TANC1: variants seen among roughly 807,000 people sequenced by gnomAD.
TANC1 encodes tetratricopeptide repeat, ankyrin repeat and coiled-coil containing 1, also known as protein TANC1.
TANC1 carries 77 observed loss-of-function variants against 149.7 expected under a neutral mutation model. The observed-to-expected ratio is 0.51, with a 90% CI of 0.43 to 0.62. The LOEUF (loss-of-function observed/expected upper bound fraction) is 0.62. Ranked by LOEUF, TANC1 falls within the 20% of genes least tolerant of loss-of-function variation. The pLI, the probability that TANC1 is intolerant of heterozygous loss-of-function variation, is 0.00. For missense variants in TANC1, 1,985 were observed against 2,321.8 expected (o/e 0.85, Z 2.98); for synonymous variants, 854 against 925.0 (o/e 0.92, Z 1.39).
In TANC1 at chr2:159,065,927, T is replaced by C; in HGVS notation, c.17T>C (p.Leu6Pro). MLKAVLKKSREGGKGG... is the reference protein window; with the variant it reads MLKAVPKKSREGGKGG... ...GTGTTGAAAATGTTAAAGGCTGTGC[T>C]GAAGAAGAGCCGAGAGGGAGGAAAG... Residue 6 changes from leucine to proline, a missense_variant, in exon 3 of 27, where the codon CTG (leucine) becomes CCG (proline). Coordinates refer to ENST00000263635, the MANE Select transcript of TANC1 (RefSeq NM_033394.3). 2 of 1,613,950 alleles carry C rather than the reference T, an allele frequency of 1.2e-6. No individual in the cohort carries two copies. The highest frequency in any genetic ancestry group is 1.7e-6 in the Non-Finnish European group (2 of 1,179,838).
Position 159,230,600 on chromosome 2 carries a change from G to C in TANC1, c.5174G>C (p.Gly1725Ala), listed in dbSNP as rs1454221602. Residue 1725 changes from glycine (G) to alanine (A), a missense_variant, in exon 27 of 27, where the codon GGC (glycine) becomes GCC (alanine). Gly to Ala is a moderately conservative substitution (Grantham distance 60). Coordinates refer to ENST00000263635, the MANE Select transcript of TANC1 (RefSeq NM_033394.3). This position sits in a 1 kb window ranked among gnomAD's most constrained non-coding sequence, Gnocchi z 4.4. ...AGACCCCGCAACACGCCGTTCATGG[G>C]CATCATGGATAAGACTGCGAGGTTC... is the stretch of plus-strand genomic sequence containing the variant. ...EHRPRNTPFM[G>A]IMDKTARFQQ... The C allele has an allele frequency of 1.2e-6, 2 of 1,614,090 alleles. No individual in the cohort carries two copies. Among genetic ancestry groups the C allele is most frequent in the Non-Finnish European group, 1.7e-6 (2 of 1,180,056 alleles).
chr2:158,998,347 T>C (rs2036322370), intron 1 of TANC1, among the ~76,000 whole-genome samples: 1 of 152,188 alleles, frequency 6.6e-6, no homozygotes, highest in South Asian at 2.1e-4. Context: ...CTTTATTACA[T>C]ATCTACCCAT....
chr2:159,222,640 A>C (rs938403415), intron 22 of TANC1, among the ~76,000 whole-genome samples: 2 of 152,196 alleles, frequency 1.3e-5, no homozygotes, highest in South Asian at 4.1e-4. Context: ...GTCATCTGTC[A>C]GTGGACACTT....
intron 2 of TANC1, among the ~76,000 whole-genome samples, chr2:159,023,336 A>G (rs1574178487): frequency 1.3e-5 from 2 of 151,842 alleles, no homozygotes; most frequent in South Asian, 2.1e-4. Context: ...TGGGTAACCC[A>G]TGGCCTTTTT....
chr2:159,136,100 A>G (rs1381765565), intron 4 of TANC1, 94 bp from the exon 5 acceptor site: 8 of 732,678 alleles, frequency 1.1e-5, no homozygotes, highest in African/African-American at 7.0e-5. Context: ...TCCTCTAGGC[A>G]TATTTGGGTC....
intron 5 of TANC1, among the ~76,000 whole-genome samples, chr2:159,143,652 C>T (rs1449001204): frequency 6.7e-6 from 1 of 149,210 alleles, no homozygotes; most frequent in Admixed American, 6.7e-5. Flanking sequence ...ACTAAAAAGA[C>T]TCCTGTCTTT....
intron 4 of TANC1, among the ~76,000 whole-genome samples, chr2:159,119,044 A>G (rs949433417): frequency 3.3e-5 from 5 of 152,180 alleles, no homozygotes; most frequent in African/African-American, 9.7e-5. Flanking sequence ...ATTGTTCAAA[A>G]TTGTTCAATA....
chr2:159,064,541 C>CT (rs2042507973), intron 2 of TANC1, among the ~76,000 whole-genome samples: 1 of 152,198 alleles, frequency 6.6e-6, no homozygotes. Context: ...TCCTGCTGGG[C>CT]TGCTGCAGAT....
intron 2 of TANC1, among the ~76,000 whole-genome samples, chr2:159,019,333 G>C (rs1231968017): frequency 6.6e-6 from 1 of 152,244 alleles, no homozygotes; most frequent in African/African-American, 2.4e-5. Flanking sequence ...TGCACCGGTA[G>C]TTGCTGAGTG....
chr2:158,971,000 C>G (rs979325593), intron 1 of TANC1, among the ~76,000 whole-genome samples: 13 of 152,164 alleles, frequency 8.5e-5, no homozygotes, highest in Non-Finnish European at 1.6e-4. Flanking sequence ...ATAACTGATT[C>G]ATAGTCAGCC....
chr2:159,209,181 TG>T (rs1306534116), intron 19 of TANC1, among the ~76,000 whole-genome samples: 1 of 152,214 alleles, frequency 6.6e-6, no homozygotes, highest in African/African-American at 2.4e-5. Context: ...GTTGGAGGCT[TG>T]TCCCAGACAC....
At chr2:159,038,521 A>G (rs531238309) in intron 2 of TANC1, among the ~76,000 whole-genome samples, 1 of 152,258 alleles carries the variant, frequency 6.6e-6, no homozygotes, top group South Asian at 2.1e-4. Context: ...TTTGAGATAC[A>G]TCCCATCAAT....
chr2:159,214,517 G>T (rs923377429), intron 19 of TANC1, among the ~76,000 whole-genome samples: 1 of 152,196 alleles, frequency 6.6e-6, no homozygotes, highest in African/African-American at 2.4e-5. Flanking sequence ...CACACATGTT[G>T]GTACCAGCAC....
intron 7 of TANC1, among the ~76,000 whole-genome samples, chr2:159,161,090 C>G (rs1263429102): frequency 6.6e-6 from 1 of 152,170 alleles, no homozygotes; most frequent in Non-Finnish European, 1.5e-5. Flanking sequence ...TCCCAGCCAT[C>G]CTCAGCTGCT....
intron 5 of TANC1, among the ~76,000 whole-genome samples, chr2:159,147,257 G>A (rs1206184745): frequency 1.3e-5 from 2 of 152,224 alleles, no homozygotes; most frequent in East Asian, 3.9e-4. Flanking sequence ...ACAATCGGGA[G>A]CAGTGTGGAG....
intron 3 of TANC1, among the ~76,000 whole-genome samples, chr2:159,076,846 C>T (rs532433350): frequency 6.6e-6 from 1 of 152,200 alleles, no homozygotes; most frequent in Admixed American, 6.5e-5. Flanking sequence ...ACTATGTCTC[C>T]GGCTGTCTTC....
At chr2:159,218,585 G>A (rs1156818205) in intron 20 of TANC1, among the ~76,000 whole-genome samples, 1 of 152,198 alleles carries the variant, frequency 6.6e-6, no homozygotes. Context: ...CTAAGCTACG[G>A]GTGAAGCAGT....
intron 10 of TANC1, among the ~76,000 whole-genome samples, chr2:159,171,187 C>T (rs1337240519): frequency 2.0e-5 from 3 of 152,326 alleles, no homozygotes; most frequent in Non-Finnish European, 2.9e-5. Flanking sequence ...CTGTTTGGCA[C>T]AGCCTTCGTC....
chr2:159,191,239 A>G (rs567334331), intron 16 of TANC1, among the ~76,000 whole-genome samples: 13 of 152,106 alleles, frequency 8.5e-5, no homozygotes, highest in Non-Finnish European at 1.8e-4. Flanking sequence ...GTGTGAAGAA[A>G]CTGATGTGTG....
Sources: gnomAD v4.1 joint callset for allele counts (sites outside exome capture counted in the v4.1 genomes callset) on GRCh38, gnomAD v4.1.1 for gene constraint, Gnocchi (gnomAD v3.1) non-coding constraint, MANE v1.5 for transcripts, NCBI Gene and HGNC (gene_info 2026-07-23, HGNC 2026-07-21) for gene names.